RNGTT: variants seen among roughly 807,000 people sequenced by gnomAD.
RNGTT encodes RNA guanylyltransferase and 5'-phosphatase.
In RNGTT, 33 loss-of-function variants were observed where a neutral mutation model predicts 79.3. The ratio of observed to expected loss-of-function variants is 0.42; its 90% CI spans 0.32 to 0.56. The LOEUF (loss-of-function observed/expected upper bound fraction) is 0.56, where lower values mean the gene tolerates loss of function less well. RNGTT is among the 20% of genes least tolerant of loss of function. RNGTT has a pLI of 0.17. For missense variants in RNGTT, 497 were observed against 739.1 expected (o/e 0.67, Z 3.80); for synonymous variants, 222 against 235.9 (o/e 0.94, Z 0.54).
In RNGTT at chr6:88,929,002, T is replaced by C; in HGVS notation, c.350A>G (p.Asn117Ser). The change falls in exon 4 of 16, where the codon AAT (asparagine) becomes AGT (serine). Residue 117 changes from asparagine to serine, a missense_variant. Coordinates refer to ENST00000369485, the MANE Select transcript of RNGTT (RefSeq NM_003800.5). ...AAACATACCTATAAGTTCAGGTGGA[T>C]TTCTTTCATTAAACCGCTCACACAG... is the stretch of plus-strand genomic sequence containing the variant. ...IRLCERFNER[N>S]PPELIGVHCT... 1 of 1,610,830 alleles carries C rather than the reference T, an allele frequency of 6.2e-7. No individual in the cohort carries two copies. Among genetic ancestry groups the C allele is most frequent in the African/African-American group, 1.3e-5 (1 of 74,942 alleles).
intron 13 of RNGTT, among the ~76,000 whole-genome samples, chr6:88,742,878 A>C (rs1052145111): frequency 6.6e-6 from 1 of 152,198 alleles, no homozygotes; most frequent in East Asian, 1.9e-4. Context: ...ATTTATATTT[A>C]CATGCAAGGC....
At chr6:88,684,898 T>C (rs1209268605) in intron 13 of RNGTT, among the ~76,000 whole-genome samples, 2 of 152,164 alleles carry the variant, frequency 1.3e-5, no homozygotes, top group African/African-American at 4.8e-5. Context: ...ATGAGAACTG[T>C]CTGTACTTTC....
intron 12 of RNGTT, among the ~76,000 whole-genome samples, chr6:88,771,127 A>C (rs1778643048): frequency 6.6e-6 from 1 of 151,492 alleles, no homozygotes; most frequent in Non-Finnish European, 1.5e-5. Flanking sequence ...ATCCATTTAA[A>C]AATTATATAA....
At chr6:88,634,704 G>A (rs1436114322) in intron 14 of RNGTT, among the ~76,000 whole-genome samples, 1 of 151,914 alleles carries the variant, frequency 6.6e-6, no homozygotes, top group African/African-American at 2.4e-5. Flanking sequence ...ATTAGAATAA[G>A]TACTACAACG....
intron 14 of RNGTT, among the ~76,000 whole-genome samples, chr6:88,660,555 A>AAAAAAAAAAAAAAG (rs937133942): frequency 2.0e-5 from 3 of 151,834 alleles, no homozygotes; most frequent in African/African-American, 7.3e-5. Flanking sequence ...ATGGTAAAAA[A>AAAAAAAAAAAAAAG]AAAGAAAGAA....
chr6:88,828,915 G>T (rs555951711), intron 11 of RNGTT, among the ~76,000 whole-genome samples: 1 of 152,120 alleles, frequency 6.6e-6, no homozygotes, highest in Non-Finnish European at 1.5e-5. Flanking sequence ...TGTTTGATTG[G>T]TGTACCTGAA....
At chr6:88,863,942 A>G (rs961279512) in intron 8 of RNGTT, among the ~76,000 whole-genome samples, 1 of 152,018 alleles carries the variant, frequency 6.6e-6, no homozygotes, top group African/African-American at 2.4e-5. Flanking sequence ...AATCTCATCC[A>G]ATATTATGAA....
Position 88,611,086 on chromosome 6 carries a change from A to G in RNGTT, c.*1633T>C, listed in dbSNP as rs1055023693. On this transcript the variant is annotated 3_prime_UTR_variant, in exon 16 of 16. Coordinates refer to ENST00000369485, the MANE Select transcript of RNGTT (RefSeq NM_003800.5). ...AAAACACTCTAGTAAAAAACGTTAC[A>G]ATGGCGTTTTGGATAAATTCACTAT... The G allele has an allele frequency of 2.0e-5, 3 of 152,238 alleles. No homozygotes were observed. Among genetic ancestry groups the G allele is most frequent in the African/African-American group, 7.2e-5 (3 of 41,466 alleles). 9.4% of individuals were successfully genotyped at this position (152,238 alleles called of 1,614,324 possible). A position where few individuals can be genotyped will look rare whatever the true frequency, so the allele number is the denominator to read the frequency against.
chr6:88,830,298 A>T (rs984816183), intron 11 of RNGTT, among the ~76,000 whole-genome samples: 3 of 152,200 alleles, frequency 2.0e-5, no homozygotes, highest in Admixed American at 2.0e-4. Context: ...TACTGGCAGA[A>T]ATAAAGAAGT....
chr6:88,875,258 G>C (rs1049775672), intron 8 of RNGTT, among the ~76,000 whole-genome samples: 2 of 151,774 alleles, frequency 1.3e-5, no homozygotes, highest in African/African-American at 4.8e-5. Context: ...CCATTATATG[G>C]AGGATCAGAA....
chr6:88,844,514 G>T lies in RNGTT; in HGVS notation c.1112C>A (p.Pro371His). 6.3e-7 allele frequency: 1 copy of T among 1,599,686 alleles called. No homozygotes were observed. Among genetic ancestry groups the T allele is most frequent in the East Asian group, 2.2e-5 (1 of 44,788 alleles). ...IYDIIKFNSQ[P>H]VGDCDFNVRL... ...AACATTAAAATCACAATCTCCAACG[G>T]GCTGTGACTGAATTAAATAAAGAAT... Residue 371 changes from proline (P) to histidine (H), a missense_variant, in exon 11 of 16, where the codon CCC (proline) becomes CAC (histidine). Pro to His is a moderately conservative substitution (Grantham distance 77). Coordinates refer to ENST00000369485, the MANE Select transcript of RNGTT (RefSeq NM_003800.5).
In RNGTT at chr6:88,649,125, C is replaced by T. The variant is rs138760178; in HGVS notation, c.1506+29228G>A. On this transcript the variant is annotated intron_variant, in intron 14 of 15. Transcript: ENST00000369485. ...TCTTAAAGTCACAGTTTCCAAGAAC[C>T]TATCATCGATGTTAAGTGAGGACTT... Among the ~76,000 whole-genome samples the T allele has an allele frequency of 6.8e-4, 103 of 152,206 alleles. 1 individual carries two copies. The highest frequency in any genetic ancestry group is 6.8e-3 in the Middle Eastern group (2 of 294).
intron 13 of RNGTT, among the ~76,000 whole-genome samples, chr6:88,721,772 A>G (rs919261040): frequency 9.9e-5 from 15 of 152,098 alleles, no homozygotes; most frequent in African/African-American, 3.6e-4. Context: ...GCCTTTAAAT[A>G]TTCTAGTCTG....
chr6:88,770,681 T>G (rs1262526320), intron 12 of RNGTT, among the ~76,000 whole-genome samples: 2 of 152,194 alleles, frequency 1.3e-5, no homozygotes, highest in African/African-American at 4.8e-5. Context: ...ACATGGCAAA[T>G]GCATGTTTAG....
intron 1 of RNGTT, among the ~76,000 whole-genome samples, chr6:88,951,534 T>C (rs540705327): frequency 3.9e-5 from 6 of 152,124 alleles, no homozygotes; most frequent in Non-Finnish European, 5.9e-5. Flanking sequence ...AACAGATCCG[T>C]TGAAAGAAGC....
chr6:88,685,539 G>T (rs6911492), intron 13 of RNGTT, among the ~76,000 whole-genome samples: 1 of 151,560 alleles, frequency 6.6e-6, no homozygotes, highest in South Asian at 2.1e-4. Flanking sequence ...AGGGGAGAAG[G>T]GGGGAGGATG....
Position 88,891,842 on chromosome 6 carries a change from A to G in RNGTT, c.758T>C (p.Val253Ala), listed in dbSNP as rs1252270188. ...ACAGAATTGATGACACTTCTGCTGT[A>G]CCTCTCCTAACTTTGGTTGTGTTGT... ...QVTTQPKLGE[V>A]QQKCHQFCGW... Residue 253 changes from valine to alanine, a missense_variant, in exon 7 of 16, where the codon GTA becomes GCA. Val to Ala is a moderately conservative substitution (Grantham distance 64). Transcript: ENST00000369485. 3.1e-6 allele frequency: 5 copies of G among 1,603,314 alleles called. No individual in the cohort carries two copies. Among genetic ancestry groups the G allele is most frequent in the African/African-American group, 2.7e-5 (2 of 74,264 alleles).
At chr6:88,758,173 AAAAC>A (rs1214139588) in intron 13 of RNGTT, among the ~76,000 whole-genome samples, 3 of 152,210 alleles carry the variant, frequency 2.0e-5, no homozygotes, top group African/African-American at 7.2e-5. Context: ...AAGAGAGAGA[AAAAC>A]AAAAAGCCCT....
intron 4 of RNGTT, among the ~76,000 whole-genome samples, chr6:88,921,292 C>T (rs1181198922): frequency 6.6e-6 from 1 of 151,682 alleles, no homozygotes; most frequent in African/African-American, 2.4e-5. Flanking sequence ...AAATCCCAGC[C>T]TGGGTGACAT....
Sources: gnomAD v4.1 joint callset for allele counts (sites outside exome capture counted in the v4.1 genomes callset) on GRCh38, gnomAD v4.1.1 for gene constraint, MANE v1.5 for transcripts, NCBI Gene and HGNC (gene_info 2026-07-23, HGNC 2026-07-21) for gene names.